Variants in PRICKLE1 observed in about 807,000 individuals in gnomAD.
PRICKLE1 encodes the protein prickle planar cell polarity protein 1, also known as prickle-like protein 1.
PRICKLE1 carries 14 observed loss-of-function variants against 70.2 expected under a neutral mutation model. The observed-to-expected ratio is 0.20, with a 90% CI of 0.13 to 0.31. The LOEUF is 0.31. PRICKLE1 is among the 10% of genes least tolerant of loss of function. PRICKLE1 has a pLI of 1.00. For missense variants in PRICKLE1, 821 were observed against 1,026.2 expected (o/e 0.80, Z 2.73); for synonymous variants, 357 against 379.9 (o/e 0.94, Z 0.70).
chr12:42,466,814 GAATTGAGTGA>G (rs1938112121), intron 5 of PRICKLE1, among the ~76,000 whole-genome samples: 2 of 152,330 alleles, frequency 1.3e-5, no homozygotes, highest in East Asian at 3.9e-4. Context: ...ACAGATGCTG[GAATTGAGTGA>G]ACAGCATTTG....
chr12:42,505,152 C>CA (rs1160292726), intron 1 of PRICKLE1, among the ~76,000 whole-genome samples: 4 of 151,788 alleles, frequency 2.6e-5, no homozygotes, highest in African/African-American at 4.8e-5. Context: ...AAACAAAAAA[C>CA]AAAAAACAAC....
chr12:42,523,458 G>A (rs1290401077), intron 1 of PRICKLE1, among the ~76,000 whole-genome samples: 1 of 152,172 alleles, frequency 6.6e-6, no homozygotes, highest in East Asian at 1.9e-4. Flanking sequence ...TTTCACACTA[G>A]TGCATCTGTT....
chr12:42,467,158 C>A (rs751179683), intron 5 of PRICKLE1, among the ~76,000 whole-genome samples: 1 of 151,730 alleles, frequency 6.6e-6, no homozygotes, highest in Non-Finnish European at 1.5e-5. Flanking sequence ...GCTCTGTCAC[C>A]ACGCTGGAGT....
intron 3 of PRICKLE1, chr12:42,469,975 C>T (rs1938250377): frequency 2.0e-6 from 1 of 503,440 alleles, no homozygotes; most frequent in Non-Finnish European, 3.6e-6. Context: ...GATGCAGGGG[C>T]TGGGAAATCT....
At chr12:42,532,714 G>A (rs1039913629) in intron 1 of PRICKLE1, among the ~76,000 whole-genome samples, 1 of 152,022 alleles carries the variant, frequency 6.6e-6, no homozygotes, top group Non-Finnish European at 1.5e-5. Flanking sequence ...TGGCTAACAC[G>A]GTGAAACCCC....
chr12:42,519,030 G>A (rs1593151495), intron 1 of PRICKLE1, among the ~76,000 whole-genome samples: 1 of 151,952 alleles, frequency 6.6e-6, no homozygotes, highest in African/African-American at 2.4e-5. Context: ...GCAAAGAAGG[G>A]TTACATTACT....
chr12:42,559,412 G>C (rs1453017984), intron 1 of PRICKLE1, among the ~76,000 whole-genome samples: 1 of 151,864 alleles, frequency 6.6e-6, no homozygotes, highest in African/African-American at 2.4e-5. Flanking sequence ...ACAGGGTCTT[G>C]CTCTGTTGCC....
At chr12:42,543,516 T>C (rs1014226035) in intron 1 of PRICKLE1, among the ~76,000 whole-genome samples, 1 of 151,990 alleles carries the variant, frequency 6.6e-6, no homozygotes, top group Non-Finnish European at 1.5e-5. Flanking sequence ...AACTTTTGAC[T>C]CCTCAAAACT....
At chr12:42,477,377 C>T (rs1413084935) in intron 1 of PRICKLE1, among the ~76,000 whole-genome samples, 1 of 119,488 alleles carries the variant, frequency 8.4e-6, no homozygotes, top group Non-Finnish European at 1.7e-5. Context: ...TGTCTCAAAA[C>T]AAAACAAAAC....
intron 1 of PRICKLE1, among the ~76,000 whole-genome samples, chr12:42,560,026 A>T (rs7980726): frequency 1.1e-4 from 16 of 151,322 alleles, no homozygotes; most frequent in Admixed American, 4.6e-4. Context: ...TGGAAGGAAA[A>T]GAACAGGAAC....
At chr12:42,518,560 A>C (rs1361300259) in intron 1 of PRICKLE1, among the ~76,000 whole-genome samples, 1 of 152,160 alleles carries the variant, frequency 6.6e-6, no homozygotes, top group Non-Finnish European at 1.5e-5. Context: ...TGCCAACCTA[A>C]ATTTGAAAGT....
chr12:42,556,211 C>G (rs1940410250), intron 1 of PRICKLE1, among the ~76,000 whole-genome samples: 1 of 152,154 alleles, frequency 6.6e-6, no homozygotes, highest in African/African-American at 2.4e-5. Context: ...CATTACAACC[C>G]TCTCCCTGCA....
At chr12:42,584,437 TTTATTA>T (rs1242095276) in intron 1 of PRICKLE1, 1 of 152,210 alleles carries the variant, frequency 6.6e-6, no homozygotes, top group East Asian at 1.9e-4. Context: ...TTAAAATTCC[TTTATTA>T]AAAAGTTTGT....
At chr12:42,492,854 C>A (rs940306452) in intron 1 of PRICKLE1, among the ~76,000 whole-genome samples, 7 of 152,092 alleles carry the variant, frequency 4.6e-5, no homozygotes, top group African/African-American at 1.7e-4. Context: ...AATGATATAT[C>A]CAAAGTGCTG....
intron 1 of PRICKLE1, among the ~76,000 whole-genome samples, chr12:42,563,031 A>C (rs867290878): frequency 3.3e-5 from 5 of 152,040 alleles, no homozygotes; most frequent in Middle Eastern, 3.4e-3. Context: ...AAAAATACAA[A>C]AATTAGCTGG....
At position 42,570,591 on chromosome 12, in the gene PRICKLE1, G is replaced by A. The variant is rs1010181096; in HGVS notation, c.-49+18874C>T. ...TCCCAGCACTTTGGGAGGCCGAAGC[G>A]GGTGGATCACCAGACGTCGGGAGTT... is the stretch of plus-strand genomic sequence containing the variant. On this transcript the variant is annotated intron_variant, in intron 1 of 7. Coordinates refer to ENST00000345127, the MANE Select transcript of PRICKLE1 (RefSeq NM_153026.3). 6.4e-4 allele frequency among the ~76,000 whole-genome samples: 98 copies of A among 152,280 alleles called. 1 individual carries two copies. The highest frequency in any genetic ancestry group is 3.4e-3 in the Middle Eastern group (1 of 294).
chr12:42,476,355 T>C (rs545292940), intron 1 of PRICKLE1, among the ~76,000 whole-genome samples: 1 of 152,168 alleles, frequency 6.6e-6, no homozygotes, highest in African/African-American at 2.4e-5. Context: ...GCTAATTTCA[T>C]ATTTTTAGTA....
chr12:42,502,183 C>A (rs1186940034), intron 1 of PRICKLE1, among the ~76,000 whole-genome samples: 1 of 150,630 alleles, frequency 6.6e-6, no homozygotes, highest in Non-Finnish European at 1.5e-5. Flanking sequence ...ACACACACAC[C>A]TATACATATA....
chr12:42,519,378 T>C (rs1014166643), intron 1 of PRICKLE1, among the ~76,000 whole-genome samples: 2 of 151,960 alleles, frequency 1.3e-5, no homozygotes, highest in Admixed American at 1.3e-4. Flanking sequence ...GTGTTTTTAG[T>C]AGAGATGGGG....
Sources: allele counts gnomAD v4.1 joint callset (sites outside exome capture counted in the v4.1 genomes callset), GRCh38; gene constraint gnomAD v4.1.1; transcripts MANE v1.5; gene names NCBI Gene and HGNC (gene_info 2026-07-23, HGNC 2026-07-21).